The following CTDSP2 variants were observed in gnomAD, a reference collection of about 807,000 sequenced individuals.
CTDSP2 encodes the protein carboxy-terminal domain RNA polymerase II polypeptide A small phosphatase 2.
A neutral mutation model predicts 31.6 loss-of-function variants in CTDSP2; 9 were observed. That is an observed-to-expected ratio of 0.28 (90% CI 0.17 to 0.50). The LOEUF is 0.50. Among genes scored for constraint, CTDSP2 ranks in the 20% least tolerant of loss-of-function variants. The pLI is 0.98. For missense variants in CTDSP2, 267 were observed against 348.5 expected, an observed-to-expected ratio of 0.77 and a Z score of 1.86; for synonymous variants, 134 against 134.5, an observed-to-expected ratio of 1.00 and a Z score of 0.03.
intron 1 of CTDSP2, among the ~76,000 whole-genome samples, chr12:57,832,030 C>T (rs1403869893): frequency 6.6e-6 from 1 of 152,180 alleles, no homozygotes; most frequent in Non-Finnish European, 1.5e-5. Context: ...CAAGTATAGT[C>T]AGCATCACTC....
At chr12:57,829,092 C>T (rs1183517293) in intron 2 of CTDSP2, among the ~76,000 whole-genome samples, 1 of 152,220 alleles carries the variant, frequency 6.6e-6, no homozygotes, top group Admixed American at 6.5e-5. Flanking sequence ...GCTACATAAA[C>T]CCTCTACATA....
chr12:57,824,851 C>T (rs1485385260), intron 5 of CTDSP2, among the ~76,000 whole-genome samples: 4 of 152,164 alleles, frequency 2.6e-5, no homozygotes, highest in Non-Finnish European at 5.9e-5. Flanking sequence ...CTTGTGCTTG[C>T]TTCTGCCAGC....
At chr12:57,833,344 T>C (rs1013552797) in intron 1 of CTDSP2, among the ~76,000 whole-genome samples, 2 of 152,192 alleles carry the variant, frequency 1.3e-5, no homozygotes, top group Non-Finnish European at 2.9e-5. Flanking sequence ...CGGCAGCCCC[T>C]GGGCCTCTGA....
At chr12:57,827,692 A>C (rs933762115) in intron 2 of CTDSP2, 102 bp from the exon 3 acceptor site, 9 of 1,147,900 alleles carry the variant, frequency 7.8e-6, no homozygotes, top group Non-Finnish European at 1.2e-5. Flanking sequence ...TTTCTCCCCC[A>C]GACCCAGCCA....
intron 1 of CTDSP2, among the ~76,000 whole-genome samples, chr12:57,835,512 C>G (rs781706601): frequency 1.3e-5 from 2 of 152,210 alleles, no homozygotes; most frequent in African/African-American, 4.8e-5. Context: ...AGGACTCCAG[C>G]GGATGCCATG....
Position 57,846,473 on chromosome 12 carries a change from G to T in CTDSP2, c.-38C>A. On this transcript the variant is annotated 5_prime_UTR_variant, in exon 1 of 8. Transcript: ENST00000398073. ...CGGGCCCGGGCTGGCTGGGCGGGAG[G>T]ACGGGCGGGCGCGCGGGCTGGGCTG... 6.5e-7 allele frequency: 1 copy of T among 1,533,534 alleles called. No homozygotes were observed. Among genetic ancestry groups the T allele is most frequent in the Non-Finnish European group, 8.8e-7 (1 of 1,139,152 alleles). The allele number at this position is 1,533,534 out of a possible 1,614,324, so 95.0% of individuals were successfully genotyped here. A position where few individuals can be genotyped will look rare whatever the true frequency, so the allele number is the denominator to read the frequency against.
chr12:57,824,041 C>A lies in CTDSP2; in HGVS notation c.553G>T (p.Ala185Ser). 1 of 1,614,070 alleles carries A rather than the reference C, an allele frequency of 6.2e-7. No individual in the cohort carries two copies. The highest frequency in any genetic ancestry group is 8.5e-7 in the Non-Finnish European group (1 of 1,180,000). Residue 185 changes from alanine (A) to serine (S), a missense_variant, in exon 7 of 8, where the codon GCC becomes TCC. Ala to Ser is a moderately conservative substitution (Grantham distance 99). Transcript: ENST00000398073. ...DLLDRCGVFR[A>S]RLFRESCVFH... ...ACGCAAGACTCACGGAATAGGCGGG[C>A]CCGGAACACCCCACACCGGTCCAGC...
At chr12:57,827,389 T>A (rs1251026974) in intron 3 of CTDSP2, 163 bp downstream of exon 3, 6 of 746,850 alleles carry the variant, frequency 8.0e-6, no homozygotes, top group Non-Finnish European at 1.4e-5. Flanking sequence ...ATCTAATGCC[T>A]TGCACATAGC....
chr12:57,827,552 C>T lies in CTDSP2; in HGVS notation c.252G>A (p.Gln84=), dbSNP rs1956190622. 6.2e-7 allele frequency: 1 copy of T among 1,613,934 alleles called. No individual in the cohort carries two copies. Among genetic ancestry groups the T allele is most frequent in the Non-Finnish European group, 8.5e-7 (1 of 1,179,986 alleles). The stretch of plus-strand genomic sequence containing the variant: ...TACTTACCAGGCCAGAGTCACGTAC[C>T]TGGTAGAACTGGTACTGGAGACACT... ...LLQCLQYQFY[Q]IPGTCLLPEV... The change falls in exon 3 of 8, where the codon CAG becomes CAA. Residue 84 remains glutamine (Q), a splice_region_variant and synonymous_variant. Coordinates refer to ENST00000398073, the MANE Select transcript of CTDSP2 (RefSeq NM_005730.4).
At position 57,820,160 on chromosome 12, in the gene CTDSP2, A is replaced by G. The variant is rs1357274140; in HGVS notation, c.*3442T>C. ...TCTTGAAGGGGGAAAGCGGCACGAA[A>G]TGGAACATGATAAGCAAAAAAGCTC... On this transcript the variant is annotated 3_prime_UTR_variant, in exon 8 of 8. Coordinates refer to ENST00000398073, the MANE Select transcript of CTDSP2 (RefSeq NM_005730.4). The G allele has an allele frequency of 6.6e-6, 1 of 152,590 alleles. No individual in the cohort carries two copies. Among genetic ancestry groups the G allele is most frequent in the African/African-American group, 2.4e-5 (1 of 41,438 alleles). 9.5% of individuals were successfully genotyped at this position (152,590 alleles called of 1,614,324 possible). A position where few individuals can be genotyped will look rare whatever the true frequency, so the allele number is the denominator to read the frequency against.
chr12:57,844,909 T>G (rs1592245180), intron 1 of CTDSP2, among the ~76,000 whole-genome samples: 9 of 127,856 alleles, frequency 7.0e-5, no homozygotes, highest in South Asian at 6.1e-4. Context: ...CCCCCCACCC[T>G]TCCCCCCTCC....
intron 1 of CTDSP2, among the ~76,000 whole-genome samples, chr12:57,839,598 G>C (rs575829020): frequency 6.6e-6 from 1 of 152,080 alleles, no homozygotes; most frequent in Non-Finnish European, 1.5e-5. Context: ...GGCGCCTGTA[G>C]TCCCAGCTAC....
chr12:57,832,621 G>A (rs1335221556), intron 1 of CTDSP2, among the ~76,000 whole-genome samples: 4 of 151,668 alleles, frequency 2.6e-5, no homozygotes, highest in Non-Finnish European at 2.9e-5. Context: ...GTGAAACACC[G>A]TCTCTATTAA....
At position 57,829,425 on chromosome 12, in the gene CTDSP2, T is replaced by C. The variant is rs755062307; in HGVS notation, c.213+23A>G. ...ATTAACAGTCCCTTCATTGCTGGCATCTTACCACCCCAACCCACCTACCTT... is the reference window on the plus strand; with the variant it reads ...ATTAACAGTCCCTTCATTGCTGGCACCTTACCACCCCAACCCACCTACCTT... On this transcript the variant is annotated intron_variant, in intron 2 of 7. Transcript: ENST00000398073. The C allele has an allele frequency of 1.9e-6, 3 of 1,608,746 alleles. No individual in the cohort carries two copies. The South Asian group carries it at 3.3e-5, about 18-fold the overall frequency.
intron 3 of CTDSP2, 182 bp from the exon 4 acceptor site, chr12:57,827,279 G>A (rs1229656126): frequency 4.7e-6 from 3 of 631,930 alleles, no homozygotes; most frequent in Non-Finnish European, 8.4e-6. Flanking sequence ...CTCCCAGTGG[G>A]ACTATTAAGT....
chr12:57,840,718 G>A (rs1037963154), intron 1 of CTDSP2, among the ~76,000 whole-genome samples: 1 of 150,854 alleles, frequency 6.6e-6, no homozygotes, highest in Non-Finnish European at 1.5e-5. Context: ...ATAAAAGAAG[G>A]TATAGAATAA....
chr12:57,828,787 A>T (rs1396065625), intron 2 of CTDSP2, among the ~76,000 whole-genome samples: 2 of 152,288 alleles, frequency 1.3e-5, no homozygotes, highest in African/African-American at 4.8e-5. Flanking sequence ...TCAGAGAAGT[A>T]CCACTGGCTT....
At chr12:57,838,605 G>C (rs942866862) in intron 1 of CTDSP2, among the ~76,000 whole-genome samples, 2 of 152,230 alleles carry the variant, frequency 1.3e-5, no homozygotes, top group Admixed American at 6.5e-5. Flanking sequence ...ATGTAGGCCT[G>C]CTTTAGGTTG....
At chr12:57,845,240 G>A (rs1285153247) in intron 1 of CTDSP2, among the ~76,000 whole-genome samples, 1 of 152,122 alleles carries the variant, frequency 6.6e-6, no homozygotes, top group Non-Finnish European at 1.5e-5. Context: ...CGGTCGGGGG[G>A]CTCTCTAGAG....
Sources: allele counts gnomAD v4.1 joint callset (sites outside exome capture counted in the v4.1 genomes callset), GRCh38; gene constraint gnomAD v4.1.1; transcripts MANE v1.5; gene names NCBI Gene and HGNC (gene_info 2026-07-23, HGNC 2026-07-21).